The following PRPSAP2 variants were observed in gnomAD, a reference collection of about 807,000 sequenced individuals.
The protein encoded by PRPSAP2 is phosphoribosyl pyrophosphate synthetase associated protein 2.
Under a neutral mutation model 40.6 loss-of-function variants are expected in PRPSAP2, and 24 were observed. That is an observed-to-expected ratio of 0.59 (90% CI 0.43 to 0.83). The LOEUF is 0.83. Ranked by LOEUF, PRPSAP2 falls within the 40% of genes least tolerant of loss-of-function variation. The pLI is 0.00. For missense variants in PRPSAP2, 292 were observed against 465.6 expected, an observed-to-expected ratio of 0.63 and a Z score of 3.43; for synonymous variants, 149 against 164.7, an observed-to-expected ratio of 0.90 and a Z score of 0.73.
intron 9 of PRPSAP2, among the ~76,000 whole-genome samples, chr17:18,916,411 T>C (rs1220374831): frequency 1.3e-5 from 2 of 151,280 alleles, no homozygotes; most frequent in Admixed American, 6.6e-5. Context: ...ATTTCGCTCT[T>C]GTTGCCCAGG....
At chr17:18,884,648 C>T (rs1465687463) in intron 7 of PRPSAP2, among the ~76,000 whole-genome samples, 1 of 152,118 alleles carries the variant, frequency 6.6e-6, no homozygotes, top group Non-Finnish European at 1.5e-5. Flanking sequence ...CCTAATTTTA[C>T]CTGAATATTA....
intron 9 of PRPSAP2, among the ~76,000 whole-genome samples, chr17:18,919,815 A>T (rs772809208): frequency 2.0e-5 from 3 of 152,238 alleles, no homozygotes; most frequent in African/African-American, 4.8e-5. Flanking sequence ...CAAGCTGGAC[A>T]TGTCTGACTA....
intron 11 of PRPSAP2, chr17:18,929,467 C>T (rs943780009): frequency 6.6e-6 from 1 of 152,112 alleles, no homozygotes; most frequent in Non-Finnish European, 1.5e-5. Flanking sequence ...ACATTTTCTT[C>T]TTCCTAGAAA....
rs2037123850 is a variant in PRPSAP2 at position 18,862,791 on chromosome 17, T to TTTTTTTTA, written c.-128-2675_-128-2674insTTTTATTT. Reference sequence around the variant, plus strand: ...TTATTTTCCTGGACCTGTAACACCCTTTTATTTATTTATTTATTTATTTAT... The same window carrying TTTTTTTTA: ...TTATTTTCCTGGACCTGTAACACCCTTTTTTTTATTTATTTATTTATTTATTTATTTAT... On this transcript the variant is annotated intron_variant, in intron 1 of 11. Transcript: ENST00000268835. Among the ~76,000 whole-genome samples the TTTTTTTTA allele has an allele frequency of 1.3e-4, 19 of 149,326 alleles. No homozygotes were observed. In the South Asian group the frequency reaches 4.1e-3, roughly 32 times the overall value.
intron 7 of PRPSAP2, among the ~76,000 whole-genome samples, chr17:18,886,042 A>G (rs144881979): frequency 1.7e-3 from 254 of 152,166 alleles, no homozygotes; most frequent in African/African-American, 6.0e-3. Context: ...TTTTTATAGT[A>G]TACGTATCTT....
intron 9 of PRPSAP2, among the ~76,000 whole-genome samples, chr17:18,913,992 G>A (rs2041134315): frequency 6.6e-6 from 1 of 151,498 alleles, no homozygotes; most frequent in Non-Finnish European, 1.5e-5. Context: ...TGGCCAACAT[G>A]ATGAAACCCC....
chr17:18,906,066 A>G (rs1284379417), intron 8 of PRPSAP2, among the ~76,000 whole-genome samples: 1 of 152,196 alleles, frequency 6.6e-6, no homozygotes, highest in African/African-American at 2.4e-5. Flanking sequence ...ATAGATAAAT[A>G]TATTTTACTG....
chr17:18,861,883 T>TTTTGTTTGTTTGTTTGTTTG lies in PRPSAP2; in HGVS notation c.-128-3582_-128-3563dup, dbSNP rs138555657. 1.0e-3 allele frequency among the ~76,000 whole-genome samples: 155 copies of TTTTGTTTGTTTGTTTGTTTG among 150,972 alleles called. 1 individual carries two copies. The highest frequency in any genetic ancestry group is 1.9e-3 in the African/African-American group (77 of 41,026). ...CAGGAAGAGGAATCTCAGCATGTTC[T>TTTTGTTTGTTTGTTTGTTTG]TTTGTTTGTTTGTTTGTTTGTTTTG... On this transcript the variant is annotated intron_variant, in intron 1 of 11. Coordinates refer to ENST00000268835, the MANE Select transcript of PRPSAP2 (RefSeq NM_002767.4).
chr17:18,877,751 C>T lies in PRPSAP2; in HGVS notation c.293C>T (p.Thr98Ile), dbSNP rs779394846. 1 of 1,613,844 alleles carries T rather than the reference C, an allele frequency of 6.2e-7. No homozygotes were observed. The highest frequency in any genetic ancestry group is 8.5e-7 in the Non-Finnish European group (1 of 1,179,930). The change falls in exon 6 of 12, where the codon ACC becomes ATC. Residue 98 changes from threonine to isoleucine, a missense_variant. This residue lies in a region of PRPSAP2 where 241 missense variants were observed against 425.7 expected (regional missense o/e 0.57). Coordinates refer to ENST00000268835, the MANE Select transcript of PRPSAP2 (RefSeq NM_002767.4). The stretch of plus-strand genomic sequence containing the variant: ...CTGATCATGGTGTATGCATGTAAGA[C>T]CTCTTGTGCCAAGAGCATCATTGGC... ...ELLIMVYACK[T>I]SCAKSIIGVI...
intron 1 of PRPSAP2, chr17:18,861,310 C>A (rs1181867126): frequency 6.6e-6 from 1 of 151,728 alleles, no homozygotes; most frequent in Non-Finnish European, 1.5e-5. Flanking sequence ...ACTAAAAATA[C>A]AAAATTAGAC....
rs1201159228 is a variant in PRPSAP2 at position 18,894,479 on chromosome 17, C to CTTTTTTT, written c.584+4614_584+4620dup. Among the ~76,000 whole-genome samples, 7 of 120,598 alleles carry CTTTTTTT rather than the reference C, an allele frequency of 5.8e-5. 1 individual carries two copies. Among genetic ancestry groups the CTTTTTTT allele is most frequent in the Non-Finnish European group, 8.6e-5 (5 of 58,456 alleles). 79.1% of individuals were successfully genotyped at this position (120,598 alleles called of 152,430 possible). A position where few individuals can be genotyped will look rare whatever the true frequency, so the allele number is the denominator to read the frequency against. On this transcript the variant is annotated intron_variant, in intron 8 of 11. Transcript: ENST00000268835. Reference sequence around the variant, plus strand: ...CGGCCCTCTGTAGCTTTTCAATAGTCTTTTTTTTTTTTTTTTTTGAGACAG... The same window carrying CTTTTTTT: ...CGGCCCTCTGTAGCTTTTCAATAGTCTTTTTTTTTTTTTTTTTTTTTTTTTGAGACAG...
chr17:18,868,483 G>GAA (rs777650890), intron 4 of PRPSAP2, among the ~76,000 whole-genome samples: 5 of 133,562 alleles, frequency 3.7e-5, no homozygotes, highest in African/African-American at 5.5e-5. Context: ...TGTCTCAGGG[G>GAA]AAAAAAAAAA....
chr17:18,889,185 T>C (rs1230390147), intron 7 of PRPSAP2, among the ~76,000 whole-genome samples: 1 of 152,254 alleles, frequency 6.6e-6, no homozygotes, highest in Non-Finnish European at 1.5e-5. Flanking sequence ...CTGTACTAAA[T>C]TATTCAAATT....
intron 11 of PRPSAP2, 100 bp from the exon 12 acceptor site, chr17:18,930,437 TGTC>T (rs2151980639): frequency 9.1e-7 from 1 of 1,101,728 alleles, no homozygotes; most frequent in Admixed American, 2.3e-5. Context: ...TGTGTTTTCC[TGTC>T]GTGGCAAGCC....
In PRPSAP2 at chr17:18,877,851, T is replaced by C. The variant is rs1475773805; in HGVS notation, c.393T>C (p.Ala131=). The C allele has an allele frequency of 1.2e-6, 2 of 1,610,314 alleles. No homozygotes were observed. Among genetic ancestry groups the C allele is most frequent in the South Asian group, 2.2e-5 (2 of 90,278 alleles). The change falls in exon 6 of 12, where the codon GCT becomes GCC. Residue 131 remains alanine, a synonymous_variant. Transcript: ENST00000268835. ...KRGSIVSKLL[A]SMMCKAGLTH... ...GCTCCATTGTCTCTAAATTGCTGGC[T>C]TCCATGATGTGCAAAGCTGGTAAGA...
chr17:18,916,945 G>T (rs2041354315), intron 9 of PRPSAP2, among the ~76,000 whole-genome samples: 1 of 152,204 alleles, frequency 6.6e-6, no homozygotes, highest in African/African-American at 2.4e-5. Context: ...TGGGTATTAA[G>T]TTCCAACATA....
At chr17:18,923,423 T>A (rs1012836041) in intron 9 of PRPSAP2, among the ~76,000 whole-genome samples, 2 of 152,164 alleles carry the variant, frequency 1.3e-5, no homozygotes, top group Admixed American at 6.5e-5. Flanking sequence ...GCTTTCTCAA[T>A]TCCCTCTTTT....
At chr17:18,909,458 A>T (rs919893058) in intron 8 of PRPSAP2, among the ~76,000 whole-genome samples, 17 of 151,728 alleles carry the variant, frequency 1.1e-4, no homozygotes, top group East Asian at 9.8e-4. Context: ...GTTAGCCAGG[A>T]TGGTCTTGAT....
At chr17:18,905,936 T>C (rs1397301707) in intron 8 of PRPSAP2, among the ~76,000 whole-genome samples, 4 of 152,194 alleles carry the variant, frequency 2.6e-5, no homozygotes, top group Non-Finnish European at 4.4e-5. Context: ...AAGGATGAAT[T>C]CAAAGTTATA....
Sources: allele counts gnomAD v4.1 joint callset (sites outside exome capture counted in the v4.1 genomes callset), GRCh38; gene constraint gnomAD v4.1.1; regional missense constraint gnomAD v4.1.1; transcripts MANE v1.5; gene names NCBI Gene and HGNC (gene_info 2026-07-23, HGNC 2026-07-21).